Variants in MUSK observed in about 807,000 individuals in gnomAD.
The protein encoded by MUSK is muscle associated receptor tyrosine kinase.
MUSK carries 55 observed loss-of-function variants against 88.7 expected under a neutral mutation model. That is an observed-to-expected ratio of 0.62 (90% CI 0.50 to 0.78). The LOEUF (loss-of-function observed/expected upper bound fraction) is 0.78. Ranked by LOEUF, MUSK falls within the 30% of genes least tolerant of loss-of-function variation. The pLI is 0.00. For synonymous variants in MUSK, 387 were observed against 391.9 expected (o/e 0.99, Z 0.15); for missense variants, 1,015 against 1,074.3 (o/e 0.94, Z 0.77).
intron 3 of MUSK, among the ~76,000 whole-genome samples, chr9:110,692,318 C>G (rs1587912488): frequency 1.3e-5 from 2 of 152,128 alleles, no homozygotes; most frequent in East Asian, 3.9e-4. Context: ...AGCCACCATA[C>G]CAGGCTACTT....
At chr9:110,755,374 A>G (rs1277116328) in intron 7 of MUSK, among the ~76,000 whole-genome samples, 1 of 152,186 alleles carries the variant, frequency 6.6e-6, no homozygotes, top group African/African-American at 2.4e-5. Context: ...ACTATGAATC[A>G]CTCATAAAGA....
intron 5 of MUSK, among the ~76,000 whole-genome samples, chr9:110,704,596 C>A (rs1363775813): frequency 6.6e-6 from 1 of 151,848 alleles, no homozygotes. Context: ...ATAATATGTT[C>A]ATAAGTGAAA....
chr9:110,670,971 CATT>C (rs141833203), intron 1 of MUSK, among the ~76,000 whole-genome samples: 2 of 151,390 alleles, frequency 1.3e-5, no homozygotes, highest in Non-Finnish European at 1.5e-5. Flanking sequence ...TTATTATTTT[CATT>C]ATTATTATTA....
intron 5 of MUSK, 74 bp downstream of exon 5, chr9:110,697,540 C>T: frequency 6.7e-7 from 1 of 1,486,610 alleles, no homozygotes; most frequent in South Asian, 1.5e-5. Context: ...TGCACCTGGG[C>T]TTGGGAGAGA....
At chr9:110,787,516 C>T (rs2077893824) in intron 13 of MUSK, among the ~76,000 whole-genome samples, 174 bp from the exon 14 acceptor site, 1 of 152,106 alleles carries the variant, frequency 6.6e-6, no homozygotes, top group South Asian at 2.1e-4. Context: ...TAGTTGACAT[C>T]AAGGAGTTTT....
In MUSK at chr9:110,674,483, G is replaced by C. The variant is rs572815418; in HGVS notation, c.79+5500G>C. ...TGTGTGCCTCAATCTTCTCCCACTTGACTACGATTAATAGAATTTAGTACA... is the reference window on the plus strand; with the variant it reads ...TGTGTGCCTCAATCTTCTCCCACTTCACTACGATTAATAGAATTTAGTACA... On this transcript the variant is annotated intron_variant, in intron 1 of 14. Transcript: ENST00000374448. 1.1e-4 allele frequency among the ~76,000 whole-genome samples: 17 copies of C among 152,176 alleles called. No individual in the cohort carries two copies. The South Asian group carries it at 3.5e-3, about 32-fold the overall frequency.
At chr9:110,762,427 T>C (rs2077415837) in intron 8 of MUSK, among the ~76,000 whole-genome samples, 1 of 152,228 alleles carries the variant, frequency 6.6e-6, no homozygotes, top group Non-Finnish European at 1.5e-5. Context: ...TTTTAGTAAG[T>C]ATGATGAAGT....
chr9:110,670,346 A>G (rs1418203088), intron 1 of MUSK, among the ~76,000 whole-genome samples: 1 of 152,204 alleles, frequency 6.6e-6, no homozygotes, highest in Non-Finnish European at 1.5e-5. Flanking sequence ...GTTTGAACGT[A>G]TGGGTTGTCT....
At chr9:110,759,614 T>C (rs1304856196) in intron 7 of MUSK, among the ~76,000 whole-genome samples, 2 of 152,000 alleles carry the variant, frequency 1.3e-5, no homozygotes, top group Non-Finnish European at 2.9e-5. Flanking sequence ...AGGGAAATTA[T>C]ACATACAAGG....
intron 1 of MUSK, among the ~76,000 whole-genome samples, chr9:110,674,106 CTTGT>C (rs893515121): frequency 1.4e-4 from 21 of 151,994 alleles, no homozygotes; most frequent in Non-Finnish European, 1.8e-4. Context: ...ATTTGTTGCT[CTTGT>C]TTATTTCTGC....
rs537269304 is a variant in MUSK at position 110,783,369 on chromosome 9, G to C, written c.1385-1446G>C. 2.0e-5 allele frequency among the ~76,000 whole-genome samples: 3 copies of C among 152,060 alleles called. No homozygotes were observed. In the East Asian group the frequency reaches 5.8e-4, roughly 29 times the overall value. ...AATTTTATCTCTTTCAAGACTAAAA[G>C]AATGTCTTTTATAATGTGATGACTT... is the stretch of plus-strand genomic sequence containing the variant. On this transcript the variant is annotated intron_variant, in intron 11 of 14. Coordinates refer to ENST00000374448, the MANE Select transcript of MUSK (RefSeq NM_005592.4).
intron 5 of MUSK, among the ~76,000 whole-genome samples, chr9:110,727,944 C>T (rs1277506048): frequency 6.6e-6 from 1 of 152,056 alleles, no homozygotes; most frequent in African/African-American, 2.4e-5. Flanking sequence ...CACTTGGGGA[C>T]TACGTCTGAC....
chr9:110,800,984 T>A lies in MUSK; in HGVS notation c.2606T>A (p.Val869Asp). The change falls in exon 15 of 15, where the codon GTC becomes GAC. Residue 869 changes from valine (V) to aspartate (D), a missense_variant. Val to Asp is a radical substitution (Grantham distance 152). Transcript: ENST00000374448. ...MCERAEGTVS[V>D] is the part of the protein sequence containing the mutation. ...GAGAGGGCAGAGGGAACTGTGAGTG[T>A]CTAAGGTTGAAGACGTTCAAATAAA... 6.6e-7 allele frequency: 1 copy of A among 1,512,158 alleles called. No individual in the cohort carries two copies. The highest frequency in any genetic ancestry group is 1.4e-5 in the South Asian group (1 of 73,084). The allele number at this position is 1,512,158 out of a possible 1,614,324, so 93.7% of individuals were successfully genotyped here.
chr9:110,756,110 G>A (rs1303993723), intron 7 of MUSK, among the ~76,000 whole-genome samples: 1 of 151,136 alleles, frequency 6.6e-6, no homozygotes, highest in South Asian at 2.1e-4. Context: ...CTAGTAAATG[G>A]CAGAACCGGT....
intron 5 of MUSK, among the ~76,000 whole-genome samples, chr9:110,716,273 C>A (rs1236318829): frequency 6.7e-6 from 1 of 150,032 alleles, no homozygotes; most frequent in Non-Finnish European, 1.5e-5. Flanking sequence ...AGGCAAAAAA[C>A]AGAGTGGTTT....
At chr9:110,699,968 C>A (rs115572492) in intron 5 of MUSK, among the ~76,000 whole-genome samples, 69 of 152,278 alleles carry the variant, frequency 4.5e-4, no homozygotes, top group African/African-American at 1.6e-3. Flanking sequence ...GTTGTTACAA[C>A]TGTGAAAGAA....
intron 8 of MUSK, 168 bp from the exon 9 acceptor site, chr9:110,767,652 G>T: frequency 1.4e-6 from 1 of 721,258 alleles, no homozygotes. Context: ...TGATATAATT[G>T]CAGCTGGAAA....
At chr9:110,700,191 T>C (rs2076483836) in intron 5 of MUSK, among the ~76,000 whole-genome samples, 1 of 152,228 alleles carries the variant, frequency 6.6e-6, no homozygotes, top group African/African-American at 2.4e-5. Flanking sequence ...AAGGCTAACA[T>C]TTTAAAAAGT....
intron 7 of MUSK, among the ~76,000 whole-genome samples, chr9:110,756,213 T>C (rs1013638083): frequency 1.3e-5 from 2 of 151,682 alleles, no homozygotes; most frequent in Admixed American, 1.3e-4. Flanking sequence ...ATACTGACTG[T>C]CTCCTAGGAC....
Sources: allele counts gnomAD v4.1 joint callset (sites outside exome capture counted in the v4.1 genomes callset), GRCh38; gene constraint gnomAD v4.1.1; transcripts MANE v1.5; gene names NCBI Gene and HGNC (gene_info 2026-07-23, HGNC 2026-07-21).